The following TRIM64B variants were observed in gnomAD, a reference collection of about 807,000 sequenced individuals.
TRIM64B encodes the protein tripartite motif containing 64B.
For synonymous variants in TRIM64B, 17 were observed against 190.3 expected (o/e 0.09, Z 7.50); for missense variants, 57 against 536.4 (o/e 0.11, Z 8.83).
At chr11:89,878,129 G>T (rs1950176660), upstream of TRIM64B, among the ~76,000 whole-genome samples, 1 of 140,814 alleles carries the variant, frequency 7.1e-6, no homozygotes, top group East Asian at 2.1e-4. Flanking sequence ...ATGAAACTAT[G>T]GAAATATATC....
intron 4 of TRIM64B, among the ~76,000 whole-genome samples, 174 bp from the exon 6 acceptor site, chr11:89,872,486 C>G (rs1340337885): frequency 1.3e-5 from 2 of 151,786 alleles, no homozygotes; most frequent in African/African-American, 4.9e-5. Flanking sequence ...TTTTTCTAAA[C>G]TTTGCTTCCA....
chr11:89,871,339 G>C (rs1950105829), intron 5 of TRIM64B, among the ~76,000 whole-genome samples: 1 of 152,194 alleles, frequency 6.6e-6, no homozygotes, highest in Non-Finnish European at 1.5e-5. Context: ...CCATACCACA[G>C]GGGAAATAAT....
upstream of TRIM64B, among the ~76,000 whole-genome samples, chr11:89,876,702 A>C (rs1950166917): frequency 6.8e-6 from 1 of 146,410 alleles, no homozygotes; most frequent in African/African-American, 2.5e-5. Flanking sequence ...AGCATGGGTA[A>C]TGGAGTGAGA....
exon 6 of TRIM64B, chr11:89,870,718 C>G: frequency 6.4e-7 from 1 of 1,551,572 alleles, no homozygotes; most frequent in Non-Finnish European, 8.7e-7. Flanking sequence ...ATCAAAAAAA[C>G]TCACAGATCC....
chr11:89,877,612 T>TC (rs1950173250), upstream of TRIM64B, among the ~76,000 whole-genome samples: 5 of 146,084 alleles, frequency 3.4e-5, no homozygotes, highest in South Asian at 1.1e-3. Flanking sequence ...TCTTTTTCTT[T>TC]TTTTTTTTTT....
intron 3 of TRIM64B, 63 bp downstream of exon 4, chr11:89,873,986 A>C (rs1301170654): frequency 9.2e-7 from 1 of 1,084,788 alleles, no homozygotes; most frequent in Non-Finnish European, 1.4e-6. Context: ...TGATATTTGC[A>C]TGTCCTGGCA....
upstream of TRIM64B, among the ~76,000 whole-genome samples, chr11:89,878,164 C>T (rs1486676255): frequency 9.0e-5 from 12 of 133,536 alleles, no homozygotes; most frequent in Non-Finnish European, 1.3e-4. Flanking sequence ...AAAAATCTAA[C>T]AATACAGAAA....
upstream of TRIM64B, chr11:89,876,101 G>T (rs564629610): frequency 2.1e-3 from 2,641 of 1,234,934 alleles, 37 homozygotes; most frequent in African/African-American, 0.04. Flanking sequence ...AGAAAGGCCG[G>T]TGGACAATTT....
upstream of TRIM64B, among the ~76,000 whole-genome samples, chr11:89,878,487 G>A (rs1950178848): frequency 7.3e-6 from 1 of 136,560 alleles, no homozygotes; most frequent in African/African-American, 2.7e-5. Context: ...CTGAAGGAGA[G>A]AGAAATCTCT....
intron 5 of TRIM64B, among the ~76,000 whole-genome samples, chr11:89,871,407 T>C (rs1304938967): frequency 2.0e-5 from 3 of 152,232 alleles, no homozygotes; most frequent in Non-Finnish European, 4.4e-5. Flanking sequence ...TGTTTTTTTT[T>C]CTTCAATAGA....
exon 3 of TRIM64B, chr11:89,874,057 GCAC>G (rs1301061299): frequency 6.5e-7 from 1 of 1,549,326 alleles, no homozygotes; most frequent in Non-Finnish European, 8.7e-7. Flanking sequence ...ACCTGGAGCA[GCAC>G]CACGTCAGGC....
chr11:89,875,247 T>G (rs1950150975), intron 1 of TRIM64B, among the ~76,000 whole-genome samples, 174 bp from the exon 3 acceptor site: 1 of 152,246 alleles, frequency 6.6e-6, no homozygotes, highest in Admixed American at 6.5e-5. Flanking sequence ...TGAAAAGTGA[T>G]AGAAACATAA....
intron 4 of TRIM64B, 67 bp from the exon 6 acceptor site, chr11:89,872,379 T>C (rs1392749604): frequency 3.3e-6 from 5 of 1,532,434 alleles, no homozygotes; most frequent in African/African-American, 2.8e-5. Flanking sequence ...TACAAAGATA[T>C]CACATTTTCA....
chr11:89,877,211 T>A (rs1950170965), upstream of TRIM64B, among the ~76,000 whole-genome samples: 1 of 99,394 alleles, frequency 1.0e-5, no homozygotes, highest in African/African-American at 3.6e-5. Flanking sequence ...ACTCCTAAAA[T>A]TATCAACCAT....
intron 4 of TRIM64B, among the ~76,000 whole-genome samples, chr11:89,873,033 G>A (rs1432702436): frequency 1.3e-5 from 2 of 151,890 alleles, no homozygotes; most frequent in African/African-American, 2.4e-5. Context: ...GGTCAGGACG[G>A]ATGGACTGGG....
chr11:89,877,519 C>T (rs1292602579), upstream of TRIM64B, among the ~76,000 whole-genome samples: 5 of 147,884 alleles, frequency 3.4e-5, no homozygotes, highest in South Asian at 2.2e-4. Context: ...ATTCACCTTT[C>T]GCTTAGTGAC....
At chr11:89,872,895 C>T (rs1432227605) in intron 4 of TRIM64B, among the ~76,000 whole-genome samples, 4 of 150,748 alleles carry the variant, frequency 2.7e-5, no homozygotes, top group Admixed American at 6.6e-5. Flanking sequence ...TCAGCCCATC[C>T]TTAGGGAATC....
At chr11:89,877,505 G>A (rs1435908950), upstream of TRIM64B, among the ~76,000 whole-genome samples, 4 of 147,296 alleles carry the variant, frequency 2.7e-5, no homozygotes, top group African/African-American at 4.9e-5. Context: ...AAGCATGGCC[G>A]CCAATTCACC....
At chr11:89,873,356 CTT>C (rs1290087481) in intron 3 of TRIM64B, 66 bp from the exon 5 acceptor site, 13 of 1,536,120 alleles carry the variant, frequency 8.5e-6, no homozygotes, top group Admixed American at 6.0e-5. Flanking sequence ...TTCTCATACT[CTT>C]GTTTCTTTCT....
Sources: gnomAD v4.1 joint callset for allele counts (sites outside exome capture counted in the v4.1 genomes callset) on GRCh38, gnomAD v4.1.1 for gene constraint, MANE v1.5 for transcripts, NCBI Gene and HGNC (gene_info 2026-07-23, HGNC 2026-07-21) for gene names.